Variants in FARP2 observed in about 807,000 individuals in gnomAD.
FARP2 encodes the protein FERM, ARHGEF and pleckstrin domain-containing protein 2.
Under a neutral mutation model 130.5 loss-of-function variants are expected in FARP2, and 111 were observed. The observed-to-expected ratio is 0.85, with a 90% CI of 0.73 to 1.00. The LOEUF (loss-of-function observed/expected upper bound fraction) is 1.00. FARP2 is among the 50% of genes least tolerant of loss of function. The pLI, the probability that FARP2 is intolerant of heterozygous loss-of-function variation, is 0.00. For synonymous variants in FARP2, 504 were observed against 516.9 expected (o/e 0.98, Z 0.34); for missense variants, 1,385 against 1,346.3 (o/e 1.03, Z -0.45).
In FARP2 at chr2:241,475,996, C is replaced by T; in HGVS notation, c.2262+9C>T. 6.2e-7 allele frequency: 1 copy of T among 1,602,870 alleles called. No homozygotes were observed. The highest frequency in any genetic ancestry group is 1.1e-5 in the South Asian group (1 of 89,268). On this transcript the variant is annotated intron_variant, in intron 19 of 26. Transcript: ENST00000264042. The surrounding 1 kb of genome is among the most constrained non-coding windows in gnomAD (Gnocchi z 4.4). ...TCATTGCTCCTGGCAGGGTGAGTGA[C>T]CTTGCTCTGGGAATGTTTTTTGAGC...
At chr2:241,379,842 G>GA (rs2061620533) in intron 2 of FARP2, among the ~76,000 whole-genome samples, 1 of 152,210 alleles carries the variant, frequency 6.6e-6, no homozygotes, top group Non-Finnish European at 1.5e-5. Flanking sequence ...GCTATTATGT[G>GA]ACTCTGCCCT....
At chr2:241,481,056 C>CAA (rs34996407) in intron 19 of FARP2, among the ~76,000 whole-genome samples, 85 of 105,160 alleles carry the variant, frequency 8.1e-4, no homozygotes, top group African/African-American at 2.4e-3. Context: ...TTGTCTCTAC[C>CAA]AAAAAAAAAA....
At chr2:241,488,920 C>T (rs915610205) in intron 21 of FARP2, 1 of 152,242 alleles carries the variant, frequency 6.6e-6, no homozygotes, top group Non-Finnish European at 1.5e-5. Context: ...TTGGTGAACA[C>T]ATTCCATCCC....
chr2:241,445,840 AG>A (rs1437103015), intron 13 of FARP2: 2 of 152,286 alleles, frequency 1.3e-5, no homozygotes, highest in African/African-American at 4.8e-5. Flanking sequence ...CCGCAGTCTC[AG>A]GCAGGGCGCA....
chr2:241,428,774 C>A (rs954960731), intron 8 of FARP2, among the ~76,000 whole-genome samples: 4 of 152,110 alleles, frequency 2.6e-5, no homozygotes, highest in African/African-American at 7.2e-5. Flanking sequence ...CAAAAAGAGA[C>A]CCTCATACTC....
chr2:241,492,275 C>T (rs1009255916), intron 24 of FARP2, among the ~76,000 whole-genome samples: 10 of 152,292 alleles, frequency 6.6e-5, no homozygotes, highest in South Asian at 2.1e-4. Context: ...GGGCTGAGCC[C>T]GAGCCTCTCC....
intron 13 of FARP2, among the ~76,000 whole-genome samples, chr2:241,450,191 C>T (rs528569403): frequency 3.9e-5 from 6 of 151,934 alleles, no homozygotes; most frequent in Non-Finnish European, 4.4e-5. Flanking sequence ...TAGCAAGACC[C>T]CATCTCTACA....
At chr2:241,378,680 G>A (rs1174550013) in intron 2 of FARP2, among the ~76,000 whole-genome samples, 1 of 152,130 alleles carries the variant, frequency 6.6e-6, no homozygotes, top group Non-Finnish European at 1.5e-5. Context: ...AAAGTGCTGG[G>A]ATTATAGGTG....
At position 241,456,792 on chromosome 2, in the gene FARP2, G is replaced by GC; in HGVS notation, c.1462dup (p.Leu488ProfsTer15). ...CAGCCTTCTCCCTCCAGCCGGAAGAGCCCCCTGAGTCTGAGCCCTGCATTT... is the reference window on the plus strand; with the variant it reads ...CAGCCTTCTCCCTCCAGCCGGAAGAGCCCCCCTGAGTCTGAGCCCTGCATTT... On this transcript the variant is annotated frameshift_variant, in exon 14 of 27. Coordinates refer to ENST00000264042, the MANE Select transcript of FARP2 (RefSeq NM_014808.4). LOFTEE classifies it high-confidence loss of function. 6.2e-7 allele frequency: 1 copy of GC among 1,614,122 alleles called. No individual in the cohort carries two copies. Among genetic ancestry groups the GC allele is most frequent in the Non-Finnish European group, 8.5e-7 (1 of 1,180,004 alleles).
intron 21 of FARP2, among the ~76,000 whole-genome samples, chr2:241,487,272 C>CTAGAATGG (rs1282344349): frequency 6.6e-6 from 1 of 152,202 alleles, no homozygotes; most frequent in East Asian, 1.9e-4. Context: ...TATAGGGAAC[C>CTAGAATGG]CAGCAAATGC....
At chr2:241,463,547 GA>G in intron 16 of FARP2, 79 bp downstream of exon 16, 3 of 1,523,816 alleles carry the variant, frequency 2.0e-6, no homozygotes, top group Non-Finnish European at 2.7e-6. Flanking sequence ...CCCAGCTTCA[GA>G]AACTAATTCA....
Position 241,468,277 on chromosome 2 carries a change from C to T in FARP2, c.2031C>T (p.Phe677=). The T allele has an allele frequency of 6.2e-7, 1 of 1,613,956 alleles. No individual in the cohort carries two copies. Among genetic ancestry groups the T allele is most frequent in the Non-Finnish European group, 8.5e-7 (1 of 1,180,038 alleles). Reference sequence around the variant, plus strand: ...TCTGCTACTTGCCTCTCAACACGTTCCTGCTGAAGCCCATCCAGCGGCTGC... The same window carrying T: ...TCTGCTACTTGCCTCTCAACACGTTTCTGCTGAAGCCCATCCAGCGGCTGC... ...QKVCYLPLNT[F]LLKPIQRLLH... is the part of the protein sequence containing the mutation. Residue 677 remains phenylalanine, a synonymous_variant, in exon 18 of 27, where the codon TTC becomes TTT. Transcript: ENST00000264042.
Position 241,427,693 on chromosome 2 carries a change from T to C in FARP2, c.772-3986T>C, listed in dbSNP as rs58147523. ...TTGAACAAGCAGCTGGAGCAGTTAT[T>C]TGGGGGCCTCTGAGCTATTGTTGGC... On this transcript the variant is annotated intron_variant, in intron 8 of 26. Coordinates refer to ENST00000264042, the MANE Select transcript of FARP2 (RefSeq NM_014808.4). Among the ~76,000 whole-genome samples, 1,272 of 152,266 alleles carry C rather than the reference T, an allele frequency of 8.4e-3. 17 individuals carry two copies. Among genetic ancestry groups the C allele is most frequent in the African/African-American group, 0.029 (1,204 of 41,548 alleles).
chr2:241,411,675 G>A (rs1430996314), intron 6 of FARP2, among the ~76,000 whole-genome samples: 3 of 152,214 alleles, frequency 2.0e-5, no homozygotes, highest in African/African-American at 4.8e-5. Context: ...CCAGCGATGG[G>A]AATAGAAAAA....
rs774031212 is a variant in FARP2, at chr2:241,475,818, A to T, written c.2132-39A>T. 1 of 1,566,828 alleles carries T rather than the reference A, an allele frequency of 6.4e-7. No individual in the cohort carries two copies. The highest frequency in any genetic ancestry group is 1.9e-5 in the Admixed American group (1 of 53,232). ...GTGGGTGGAGGGTGCTGTGCACACC[A>T]CTGCCTGTACACCTGTACTGAGGGG... On this transcript the variant is annotated intron_variant, in intron 18 of 26. Coordinates refer to ENST00000264042, the MANE Select transcript of FARP2 (RefSeq NM_014808.4). This position sits in a 1 kb window ranked among gnomAD's most constrained non-coding sequence, Gnocchi z 4.4.
intron 21 of FARP2, among the ~76,000 whole-genome samples, chr2:241,485,567 G>T (rs1322731923): frequency 7.5e-6 from 1 of 133,638 alleles, no homozygotes; most frequent in African/African-American, 2.9e-5. Flanking sequence ...CCTTCCCTAG[G>T]ATCTTCCCTT....
chr2:241,491,203 A>C, intron 23 of FARP2, 24 bp downstream of exon 23: 1 of 1,540,196 alleles, frequency 6.5e-7, no homozygotes. Flanking sequence ...ACAACCCCCC[A>C]GGAGACCTCC....
intron 2 of FARP2, among the ~76,000 whole-genome samples, chr2:241,385,993 G>A (rs2061774991): frequency 6.6e-6 from 1 of 152,050 alleles, no homozygotes; most frequent in Non-Finnish European, 1.5e-5. Flanking sequence ...CAACACTATG[G>A]TTATTTGTCC....
chr2:241,441,273 CTT>C (rs781674350), intron 12 of FARP2, 29 bp from the exon 13 acceptor site: 21 of 1,537,398 alleles, frequency 1.4e-5, no homozygotes, highest in Middle Eastern at 3.5e-4. Context: ...ATTTTATATC[CTT>C]TTTTTCTTTT....
Sources: allele counts gnomAD v4.1 joint callset (sites outside exome capture counted in the v4.1 genomes callset), GRCh38; gene constraint gnomAD v4.1.1; non-coding constraint Gnocchi (gnomAD v3.1); transcripts MANE v1.5; gene names NCBI Gene and HGNC (gene_info 2026-07-23, HGNC 2026-07-21).